Variants in CRTAC1 observed in about 807,000 individuals in gnomAD.
CRTAC1 encodes cartilage acidic protein 1, also known as acidic secreted protein in cartilage.
Under a neutral mutation model 67.8 loss-of-function variants are expected in CRTAC1, and 37 were observed. The observed-to-expected ratio is 0.55, with a 90% CI of 0.42 to 0.72. CRTAC1 has a LOEUF of 0.72. Ranked by LOEUF, CRTAC1 falls within the 30% of genes least tolerant of loss-of-function variation. CRTAC1 has a pLI of 0.00. For synonymous variants in CRTAC1, 348 were observed against 371.0 expected, an observed-to-expected ratio of 0.94 and a Z score of 0.71; for missense variants, 780 against 931.6, an observed-to-expected ratio of 0.84 and a Z score of 2.12.
intron 2 of CRTAC1, among the ~76,000 whole-genome samples, chr10:97,963,219 T>G (rs2051556531): frequency 1.3e-5 from 2 of 152,140 alleles, no homozygotes; most frequent in Admixed American, 1.3e-4. Flanking sequence ...CCTCCCTACT[T>G]GGTGCTTGTG....
chr10:97,879,201 C>G (rs1590175366), intron 14 of CRTAC1, among the ~76,000 whole-genome samples: 2 of 152,126 alleles, frequency 1.3e-5, no homozygotes, highest in Non-Finnish European at 1.5e-5. Flanking sequence ...AAAGGACCAC[C>G]CTTTTCCCTC....
At chr10:98,023,127 G>T (rs1333628492) in intron 1 of CRTAC1, among the ~76,000 whole-genome samples, 4 of 152,184 alleles carry the variant, frequency 2.6e-5, no homozygotes, top group African/African-American at 9.7e-5. Context: ...CAGCAGCCAG[G>T]TGGGAAGGGG....
At position 97,925,742 on chromosome 10, in the gene CRTAC1, T is replaced by G. The variant is rs1411476621; in HGVS notation, c.422-2342A>C. 6.2e-5 allele frequency among the ~76,000 whole-genome samples: 9 copies of G among 145,190 alleles called. No homozygotes were observed. In the South Asian group the frequency reaches 6.7e-4, roughly 11 times the overall value. On this transcript the variant is annotated intron_variant, in intron 3 of 14. Coordinates refer to ENST00000370597, the MANE Select transcript of CRTAC1 (RefSeq NM_018058.7). ...TGAGGGGAGGGTGAGTGAGAATGAG[T>G]GTGGGCATGACTGAGAGTGAGTGTG...
intron 2 of CRTAC1, among the ~76,000 whole-genome samples, chr10:97,938,541 T>A (rs186444791): frequency 2.5e-4 from 38 of 152,276 alleles, no homozygotes. Flanking sequence ...CTCTGTGTCT[T>A]CAGGGTCCAA....
intron 2 of CRTAC1, among the ~76,000 whole-genome samples, chr10:97,950,778 G>T (rs1396500391): frequency 6.6e-6 from 1 of 152,228 alleles, no homozygotes; most frequent in African/African-American, 2.4e-5. Flanking sequence ...AGACAGAGGG[G>T]TAGGCCTGGA....
At chr10:97,878,900 T>A (rs1380684132) in intron 14 of CRTAC1, among the ~76,000 whole-genome samples, 4 of 152,178 alleles carry the variant, frequency 2.6e-5, no homozygotes, top group Non-Finnish European at 5.9e-5. Flanking sequence ...TCACACATCC[T>A]TCACTTGGCC....
intron 2 of CRTAC1, among the ~76,000 whole-genome samples, chr10:97,942,501 C>T (rs564191520): frequency 6.6e-6 from 1 of 152,078 alleles, no homozygotes; most frequent in African/African-American, 2.4e-5. Context: ...ACAACAAATG[C>T]TATAGTTATG....
At chr10:98,023,485 C>T (rs1445832350) in intron 1 of CRTAC1, among the ~76,000 whole-genome samples, 5 of 152,216 alleles carry the variant, frequency 3.3e-5, no homozygotes, top group East Asian at 3.8e-4. Flanking sequence ...GAACAAATGA[C>T]GGTGTCTCCC....
At chr10:98,013,028 G>A (rs1056833663) in intron 1 of CRTAC1, among the ~76,000 whole-genome samples, 1 of 152,226 alleles carries the variant, frequency 6.6e-6, no homozygotes, top group Admixed American at 6.5e-5. Context: ...GCAGCTGGGT[G>A]GGGATGGGGG....
intron 2 of CRTAC1, among the ~76,000 whole-genome samples, chr10:97,997,385 G>A (rs1017074118): frequency 6.8e-6 from 1 of 147,900 alleles, no homozygotes; most frequent in Non-Finnish European, 1.5e-5. Context: ...CCTGGGAGGT[G>A]GAGGTTGCAG....
At chr10:97,904,333 G>A (rs1235798059) in intron 7 of CRTAC1, among the ~76,000 whole-genome samples, 3 of 152,190 alleles carry the variant, frequency 2.0e-5, no homozygotes, top group South Asian at 2.1e-4. Flanking sequence ...TGGGAGGAGC[G>A]AGGCAGCTCC....
At chr10:97,867,872 C>T (rs1412028918) in intron 14 of CRTAC1, 1 of 152,308 alleles carries the variant, frequency 6.6e-6, no homozygotes, top group Non-Finnish European at 1.5e-5. Flanking sequence ...ACTCTGTCTT[C>T]TTGGAGCTTG....
intron 6 of CRTAC1, 69 bp downstream of exon 6, chr10:97,907,944 C>A: frequency 6.4e-7 from 1 of 1,556,182 alleles, no homozygotes; most frequent in Middle Eastern, 1.7e-4. Flanking sequence ...GGGGGCAGGG[C>A]AGTCTGGAGT....
intron 2 of CRTAC1, among the ~76,000 whole-genome samples, chr10:97,985,108 C>T (rs1448470606): frequency 6.6e-6 from 1 of 152,016 alleles, no homozygotes; most frequent in Non-Finnish European, 1.5e-5. Context: ...GGGCAGTATT[C>T]CTTGATTACC....
chr10:97,964,912 T>G (rs1318726817), intron 2 of CRTAC1, among the ~76,000 whole-genome samples: 2 of 148,318 alleles, frequency 1.3e-5, no homozygotes, highest in Non-Finnish European at 3.0e-5. Context: ...TTCATTCTAC[T>G]CATTTCATTC....
chr10:97,999,398 G>A (rs773324730), intron 2 of CRTAC1, among the ~76,000 whole-genome samples: 4 of 152,206 alleles, frequency 2.6e-5, no homozygotes, highest in South Asian at 2.1e-4. Flanking sequence ...GGGCAAGCCC[G>A]GGCACTGTTG....
rs114490358 is a variant in CRTAC1 at position 97,922,487 on chromosome 10, G to T, written c.558+777C>A. On this transcript the variant is annotated intron_variant, in intron 4 of 14. Transcript: ENST00000370597. ...GGGCAGCAGCTGGGCCCCTGATTTA[G>T]TGATGACTGTTTACAAAGCCAAGGA... Among the ~76,000 whole-genome samples the T allele has an allele frequency of 4.6e-3, 702 of 152,332 alleles. 8 individuals carry two copies. Among genetic ancestry groups the T allele is most frequent in the African/African-American group, 0.016 (653 of 41,580 alleles).
intron 2 of CRTAC1, among the ~76,000 whole-genome samples, chr10:98,008,073 C>T (rs941788031): frequency 1.3e-5 from 2 of 152,192 alleles, no homozygotes; most frequent in Admixed American, 1.3e-4. Flanking sequence ...TGGCACATAT[C>T]ATTCCCTTTG....
chr10:97,962,324 T>C (rs1280742686), intron 2 of CRTAC1, among the ~76,000 whole-genome samples: 1 of 150,652 alleles, frequency 6.6e-6, no homozygotes, highest in East Asian at 1.9e-4. Context: ...GGACACTGCG[T>C]CAGTAAGAAA....
Sources: gnomAD v4.1 joint callset for allele counts (sites outside exome capture counted in the v4.1 genomes callset) on GRCh38, gnomAD v4.1.1 for gene constraint, MANE v1.5 for transcripts, NCBI Gene and HGNC (gene_info 2026-07-23, HGNC 2026-07-21) for gene names.